FAF1: variants seen among roughly 807,000 people sequenced by gnomAD.
The protein encoded by FAF1 is FAS-associated factor 1.
Under a neutral mutation model 92.5 loss-of-function variants are expected in FAF1, and 25 were observed. That is an observed-to-expected ratio of 0.27 (90% CI 0.20 to 0.38). FAF1 has a LOEUF of 0.38. Ranked by LOEUF, FAF1 falls within the 10% of genes least tolerant of loss-of-function variation. FAF1 has a pLI of 1.00. For missense variants in FAF1, 636 were observed against 793.3 expected (o/e 0.80, Z 2.38); for synonymous variants, 234 against 273.2 (o/e 0.86, Z 1.42).
intron 1 of FAF1, among the ~76,000 whole-genome samples, chr1:50,882,151 G>T (rs1340952334): frequency 3.3e-5 from 5 of 152,044 alleles, no homozygotes; most frequent in South Asian, 2.1e-4. Flanking sequence ...TAGTTGAAAA[G>T]AAACCAAGTT....
At chr1:50,957,367 TTTGAGACAGA>T (rs1427779136) in intron 1 of FAF1, among the ~76,000 whole-genome samples, 3 of 88,402 alleles carry the variant, frequency 3.4e-5, no homozygotes, top group African/African-American at 1.2e-4. Flanking sequence ...TTTTTTTTTT[TTTGAGACAGA>T]GTCTCGCTCT....
rs1413262195 is a variant in FAF1, at chr1:50,661,301, GCTA to G, written c.658-5776_658-5774del. 1.2e-4 allele frequency among the ~76,000 whole-genome samples: 18 copies of G among 152,184 alleles called. No individual in the cohort carries two copies. The South Asian group carries it at 1.5e-3, about 12-fold the overall frequency. Reference sequence around the variant, plus strand: ...AGTGGTTATATGATTTTGCCAGAACGCTACTGTGATATAGTTTTCAAGTTTTAT... The same window carrying G: ...AGTGGTTATATGATTTTGCCAGAACGCTGTGATATAGTTTTCAAGTTTTAT... On this transcript the variant is annotated intron_variant, in intron 7 of 18. Transcript: ENST00000396153.
chr1:50,929,322 A>C (rs1347674018), intron 1 of FAF1, among the ~76,000 whole-genome samples: 1 of 152,152 alleles, frequency 6.6e-6, no homozygotes, highest in Non-Finnish European at 1.5e-5. Context: ...GTGCTATTTA[A>C]GTTCTACATT....
At position 50,584,802 on chromosome 1, in the gene FAF1, C is replaced by T. The variant is rs779360606; in HGVS notation, c.850G>A (p.Asp284Asn). The change falls in exon 10 of 19, where the codon GAT becomes AAT. Residue 284 changes from aspartate (D) to asparagine (N), a missense_variant. Transcript: ENST00000396153. ...TREQSEEQIT[D>N]VHMVSDSDGD... is the part of the protein sequence containing the mutation. ...TCGCTATCACTAACCATATGAACAT[C>T]GGTGATTTGCTATTTAAGGAAAGTC... The T allele has an allele frequency of 8.1e-6, 13 of 1,612,704 alleles. No homozygotes were observed. The highest frequency in any genetic ancestry group is 2.7e-5 in the African/African-American group (2 of 74,836).
At chr1:50,582,012 A>G (rs1364737496) in intron 12 of FAF1, among the ~76,000 whole-genome samples, 1 of 151,450 alleles carries the variant, frequency 6.6e-6, no homozygotes, top group Non-Finnish European at 1.5e-5. Context: ...TCAAGATCAC[A>G]AAGTCCATTT....
rs538485855 is a variant in FAF1 at position 50,805,197 on chromosome 1, T to C, written c.115-3520A>G. On this transcript the variant is annotated intron_variant, in intron 2 of 18. Transcript: ENST00000396153. ...AAACAACTATGGTGGATCATTATCA[T>C]ACTGTAATGTATTTTAAGAAGAACA... is the stretch of plus-strand genomic sequence containing the variant. Among the ~76,000 whole-genome samples, 8 of 152,330 alleles carry C rather than the reference T, an allele frequency of 5.3e-5. No individual in the cohort carries two copies. The South Asian group carries it at 1.0e-3, about 20-fold the overall frequency.
chr1:50,687,373 A>AC (rs1656713638), intron 7 of FAF1, among the ~76,000 whole-genome samples: 1 of 151,080 alleles, frequency 6.6e-6, no homozygotes, highest in African/African-American at 2.4e-5. Context: ...AAAAAAAAAA[A>AC]CCCAACCTGA....
intron 7 of FAF1, among the ~76,000 whole-genome samples, chr1:50,688,051 C>A (rs926671084): frequency 2.4e-4 from 36 of 151,764 alleles, no homozygotes; most frequent in African/African-American, 8.7e-4. Context: ...AGAAGAACAG[C>A]GTGAACCCGG....
At chr1:50,767,771 C>T (rs1660631518) in intron 4 of FAF1, among the ~76,000 whole-genome samples, 2 of 152,134 alleles carry the variant, frequency 1.3e-5, no homozygotes, top group African/African-American at 4.8e-5. Flanking sequence ...CACCACGAGA[C>T]CTGCCTTATA....
At chr1:50,789,373 C>T (rs1244239687) in intron 3 of FAF1, among the ~76,000 whole-genome samples, 1 of 152,132 alleles carries the variant, frequency 6.6e-6, no homozygotes, top group Non-Finnish European at 1.5e-5. Context: ...CCCGGACCCC[C>T]AACTCAGTAT....
At chr1:50,651,730 T>C (rs1188765964) in intron 8 of FAF1, among the ~76,000 whole-genome samples, 1 of 152,220 alleles carries the variant, frequency 6.6e-6, no homozygotes, top group Non-Finnish European at 1.5e-5. Flanking sequence ...TTCTCAGCTG[T>C]ACCCAATTCA....
At chr1:50,616,679 T>C (rs935075632) in intron 8 of FAF1, among the ~76,000 whole-genome samples, 15 of 149,880 alleles carry the variant, frequency 1.0e-4, no homozygotes, top group African/African-American at 3.8e-4. Context: ...TTTTGTATAC[T>C]GATTTTTTTT....
At chr1:50,958,578 T>C (rs535410590) in intron 1 of FAF1, among the ~76,000 whole-genome samples, 4 of 147,466 alleles carry the variant, frequency 2.7e-5, no homozygotes, top group African/African-American at 9.8e-5. Context: ...CTCGGGAGGC[T>C]GAGGCAGGAG....
chr1:50,894,721 G>A (rs1008567714), intron 1 of FAF1, among the ~76,000 whole-genome samples: 2 of 152,052 alleles, frequency 1.3e-5, no homozygotes, highest in Non-Finnish European at 2.9e-5. Flanking sequence ...AGGAATTCTG[G>A]AAACTATACA....
At chr1:50,458,146 G>A (rs772437997) in intron 18 of FAF1, among the ~76,000 whole-genome samples, 2 of 152,142 alleles carry the variant, frequency 1.3e-5, no homozygotes, top group Non-Finnish European at 2.9e-5. Context: ...CTGGGAGGCA[G>A]AGGTTGCAGT....
chr1:50,710,136 T>G (rs1201023917), intron 6 of FAF1, among the ~76,000 whole-genome samples: 3 of 152,194 alleles, frequency 2.0e-5, no homozygotes, highest in African/African-American at 7.2e-5. Context: ...GTTATATAGA[T>G]CTTCCTTTAC....
chr1:50,831,025 A>T lies in FAF1; in HGVS notation c.114+26904T>A, dbSNP rs1644147811. 1.3e-5 allele frequency among the ~76,000 whole-genome samples: 2 copies of T among 152,224 alleles called. 1 individual carries two copies. The highest frequency in any genetic ancestry group is 4.1e-4 in the South Asian group (2 of 4,830). On this transcript the variant is annotated intron_variant, in intron 2 of 18. Coordinates refer to ENST00000396153, the MANE Select transcript of FAF1 (RefSeq NM_007051.3). ...AACCATTTGAATCTAGTTCAAAAACAGATTTTTAAAAATCACAAAAACAAC... is the reference window on the plus strand; with the variant it reads ...AACCATTTGAATCTAGTTCAAAAACTGATTTTTAAAAATCACAAAAACAAC...
chr1:50,786,111 G>A (rs1661354078), intron 4 of FAF1, among the ~76,000 whole-genome samples: 1 of 149,990 alleles, frequency 6.7e-6, no homozygotes, highest in South Asian at 2.1e-4. Flanking sequence ...CAGCCTGGGT[G>A]ACAGTGTGAG....
chr1:50,738,801 T>G, intron 6 of FAF1, 62 bp downstream of exon 6: 1 of 1,132,632 alleles, frequency 8.8e-7, no homozygotes, highest in Non-Finnish European at 1.3e-6. Context: ...TATATACAAC[T>G]TAAAGCAATT....
Sources: gnomAD v4.1 joint callset for allele counts (sites outside exome capture counted in the v4.1 genomes callset) on GRCh38, gnomAD v4.1.1 for gene constraint, MANE v1.5 for transcripts, NCBI Gene and HGNC (gene_info 2026-07-23, HGNC 2026-07-21) for gene names.